TP63: variants seen among roughly 807,000 people sequenced by gnomAD.
TP63 encodes tumor protein p63.
In TP63, 17 loss-of-function variants were observed where a neutral mutation model predicts 82.8. The ratio of observed to expected loss-of-function variants is 0.21; its 90% CI spans 0.14 to 0.31. The LOEUF is 0.31. Among genes scored for constraint, TP63 ranks in the 10% least tolerant of loss-of-function variants. The pLI is 1.00. For missense variants in TP63, 648 were observed against 895.3 expected, an observed-to-expected ratio of 0.72 and a Z score of 3.52; for synonymous variants, 330 against 321.7, an observed-to-expected ratio of 1.03 and a Z score of -0.28.
At chr3:189,696,454 A>G (rs952929766) in intron 1 of TP63, among the ~76,000 whole-genome samples, 2 of 152,174 alleles carry the variant, frequency 1.3e-5, no homozygotes, top group African/African-American at 4.8e-5. Flanking sequence ...CAACTGAAAG[A>G]CATCTTGCTT....
intron 1 of TP63, among the ~76,000 whole-genome samples, chr3:189,686,929 C>T (rs546545499): frequency 6.6e-5 from 10 of 152,080 alleles, no homozygotes; most frequent in South Asian, 2.1e-4. Flanking sequence ...CGGGGTTTCT[C>T]CATATTGGTC....
At chr3:189,759,457 A>G (rs1722409995) in intron 3 of TP63, among the ~76,000 whole-genome samples, 9 of 152,202 alleles carry the variant, frequency 5.9e-5, no homozygotes, top group Admixed American at 5.9e-4. Flanking sequence ...ATGAGTGACC[A>G]TGGCCCTCAA....
chr3:189,875,607 T>TATATATATATATATAC (rs1553859629), intron 10 of TP63, among the ~76,000 whole-genome samples: 9 of 56,104 alleles, frequency 1.6e-4, no homozygotes, highest in African/African-American at 5.4e-4. Context: ...TATATATATA[T>TATATATATATATATAC]ATATATATAT....
At chr3:189,645,145 T>G (rs1712297642) in intron 1 of TP63, among the ~76,000 whole-genome samples, 2 of 152,214 alleles carry the variant, frequency 1.3e-5, no homozygotes, top group South Asian at 4.1e-4. Flanking sequence ...AATTTCCTTT[T>G]ATTTGTCCTA....
At chr3:189,748,066 T>G (rs1721511916) in intron 3 of TP63, among the ~76,000 whole-genome samples, 1 of 152,022 alleles carries the variant, frequency 6.6e-6, no homozygotes, top group South Asian at 2.1e-4. Context: ...ATGATGGCTA[T>G]ATATGACTAA....
rs776631051 is a variant in TP63, at chr3:189,789,630, G to A, written c.325-18642G>A. On this transcript the variant is annotated intron_variant, in intron 3 of 13. Coordinates refer to ENST00000264731, the MANE Select transcript of TP63 (RefSeq NM_003722.5). ...CCCGCCTCCTCATGCCTATAGTTGG[G>A]TATATATTAGGAAACCTTAAATTAT... 8.7e-6 allele frequency: 12 copies of A among 1,377,616 alleles called. No individual in the cohort carries two copies. The East Asian group carries it at 2.3e-4, about 27-fold the overall frequency. The allele number at this position is 1,377,616 out of a possible 1,614,324, so 85.3% of individuals were successfully genotyped here.
intron 1 of TP63, among the ~76,000 whole-genome samples, chr3:189,664,155 C>G (rs1455476914): frequency 6.6e-6 from 1 of 151,970 alleles, no homozygotes; most frequent in African/African-American, 2.4e-5. Flanking sequence ...TTCCTATCCC[C>G]CCAAGCCCTG....
intron 1 of TP63, among the ~76,000 whole-genome samples, chr3:189,730,799 C>T (rs1720108749): frequency 6.6e-6 from 1 of 152,146 alleles, no homozygotes; most frequent in Admixed American, 6.5e-5. Context: ...TCAAGGAGGC[C>T]TTTGAGCCAG....
intron 4 of TP63, among the ~76,000 whole-genome samples, chr3:189,858,049 A>G (rs1290877916): frequency 6.6e-6 from 1 of 152,242 alleles, no homozygotes; most frequent in African/African-American, 2.4e-5. Flanking sequence ...TTGCAGCACT[A>G]TTTGCAATAG....
At chr3:189,635,915 G>A in intron 1 of TP63, among the ~76,000 whole-genome samples, 1 of 151,990 alleles carries the variant, frequency 6.6e-6, no homozygotes, top group East Asian at 1.9e-4. Flanking sequence ...TTTGATATGA[G>A]GTAAATGATG....
rs186045329 is a variant in TP63 at position 189,896,483 on chromosome 3, A to G, written c.*1981A>G. 34 of 204,624 alleles carry G rather than the reference A, an allele frequency of 1.7e-4. No homozygotes were observed. The East Asian group carries it at 2.4e-3, about 14-fold the overall frequency. The allele number at this position is 204,624 out of a possible 1,614,324, so 12.7% of individuals were successfully genotyped here. A position where few individuals can be genotyped will look rare whatever the true frequency, so the allele number is the denominator to read the frequency against. On this transcript the variant is annotated 3_prime_UTR_variant, in exon 14 of 14. Transcript: ENST00000264731. The stretch of plus-strand genomic sequence containing the variant: ...TTTAAAATTTTGTATGTTAAAGAGA[A>G]TGAGTCCTTGATTTCAAAGTTTTGT...
chr3:189,733,550 A>T (rs2108787870), intron 1 of TP63, among the ~76,000 whole-genome samples: 1 of 152,292 alleles, frequency 6.6e-6, no homozygotes, highest in South Asian at 2.1e-4. Context: ...GGATGTCCTT[A>T]TGGGTCCGTG....
chr3:189,825,401 C>G (rs894308185), intron 4 of TP63, among the ~76,000 whole-genome samples: 1 of 152,198 alleles, frequency 6.6e-6, no homozygotes, highest in African/African-American at 2.4e-5. Flanking sequence ...TATCTGCAAT[C>G]ATTCGTGAGT....
rs778104993 is a variant in TP63 at position 189,631,508 on chromosome 3, T to C, written c.-8T>C. 41 of 1,612,542 alleles carry C rather than the reference T, an allele frequency of 2.5e-5. No homozygotes were observed. The highest frequency in any genetic ancestry group is 3.1e-5 in the Non-Finnish European group (37 of 1,178,956). ...TCCGTTCGTTGATATCAAAGACAGT[T>C]GAAGGAAATGAATTTTGAAACTTCA... On this transcript the variant is annotated 5_prime_UTR_variant, in exon 1 of 14. Coordinates refer to ENST00000264731, the MANE Select transcript of TP63 (RefSeq NM_003722.5).
intron 1 of TP63, among the ~76,000 whole-genome samples, chr3:189,688,979 T>C (rs1420981119): frequency 3.3e-5 from 5 of 152,056 alleles, no homozygotes; most frequent in African/African-American, 1.2e-4. Context: ...AGTAAACTGC[T>C]TGATTCACAA....
chr3:189,660,972 C>A (rs1713827508), intron 1 of TP63, among the ~76,000 whole-genome samples: 1 of 151,898 alleles, frequency 6.6e-6, no homozygotes, highest in East Asian at 1.9e-4. Context: ...TTCTCAAAGC[C>A]TTTTGGTGGA....
intron 4 of TP63, among the ~76,000 whole-genome samples, chr3:189,815,089 T>C (rs79243809): frequency 0.11 from 16,931 of 152,192 alleles, 1,109 homozygotes; most frequent in Admixed American, 0.21. Context: ...CTCCCCCTTC[T>C]TTCTACTCCC....
At chr3:189,627,896 G>A (rs1560069471), upstream of TP63, among the ~76,000 whole-genome samples, 1 of 152,160 alleles carries the variant, frequency 6.6e-6, no homozygotes, top group East Asian at 1.9e-4. Context: ...ACCTCATAAA[G>A]TAACTCTAAG....
At chr3:189,776,320 G>T (rs148847797) in intron 3 of TP63, among the ~76,000 whole-genome samples, 1 of 152,158 alleles carries the variant, frequency 6.6e-6, no homozygotes, top group Admixed American at 6.5e-5. Context: ...GGAACACCGT[G>T]TTTCCCTCCA....
Sources: gnomAD v4.1 joint callset for allele counts (sites outside exome capture counted in the v4.1 genomes callset) on GRCh38, gnomAD v4.1.1 for gene constraint, MANE v1.5 for transcripts, NCBI Gene and HGNC (gene_info 2026-07-23, HGNC 2026-07-21) for gene names.